Variants in COL23A1 observed in about 807,000 individuals in gnomAD.
COL23A1 encodes collagen alpha-1(XXIII) chain.
Under a neutral mutation model 99.3 loss-of-function variants are expected in COL23A1, and 97 were observed. The observed-to-expected ratio is 0.98, with a 90% CI of 0.83 to 1.16. The LOEUF (loss-of-function observed/expected upper bound fraction) is 1.16, where lower values mean the gene tolerates loss of function less well. COL23A1 is among the 50% of genes most tolerant of loss of function. COL23A1 has a pLI of 0.00. For missense variants in COL23A1, 762 were observed against 757.4 expected (o/e 1.01, Z -0.07); for synonymous variants, 320 against 308.2 (o/e 1.04, Z -0.40).
chr5:178,305,706 G>A (rs144283610), intron 3 of COL23A1, among the ~76,000 whole-genome samples: 29 of 152,274 alleles, frequency 1.9e-4, no homozygotes, highest in African/African-American at 3.9e-4. Flanking sequence ...GGCTCAGAAG[G>A]TGGAGAGCCC....
At chr5:178,480,219 T>C (rs1004277070) in intron 2 of COL23A1, among the ~76,000 whole-genome samples, 3 of 151,850 alleles carry the variant, frequency 2.0e-5, no homozygotes, top group East Asian at 1.9e-4. Context: ...TTGATGATAA[T>C]TGTTGAAGCT....
chr5:178,306,867 G>T lies in COL23A1; in HGVS notation c.406+8C>A. The T allele has an allele frequency of 2.0e-6, 3 of 1,518,692 alleles. 1 individual carries two copies. The South Asian group carries it at 3.8e-5, about 19-fold the overall frequency. 94.1% of individuals were successfully genotyped at this position (1,518,692 alleles called of 1,614,324 possible). On this transcript the variant is annotated splice_region_variant and intron_variant, in intron 3 of 28. Transcript: ENST00000390654. This position sits in a 1 kb window ranked among gnomAD's most constrained non-coding sequence, Gnocchi z 4.1. Reference sequence around the variant, plus strand: ...TTGGCTTAGGAGCTGAGAAAACCTGGGACTCACCAGGGTCGCCTCTTCTCC... The same window carrying T: ...TTGGCTTAGGAGCTGAGAAAACCTGTGACTCACCAGGGTCGCCTCTTCTCC...
chr5:178,440,407 C>T (rs17081256), intron 2 of COL23A1, among the ~76,000 whole-genome samples: 13,132 of 152,146 alleles, frequency 0.086, 1,287 homozygotes, highest in East Asian at 0.36. Context: ...GGGCAAATGC[C>T]GCTTCCTCTG....
At chr5:178,426,527 C>T (rs1765946990) in intron 2 of COL23A1, among the ~76,000 whole-genome samples, 1 of 152,206 alleles carries the variant, frequency 6.6e-6, no homozygotes, top group Non-Finnish European at 1.5e-5. Flanking sequence ...TGCTGCCATC[C>T]GGGCGCAGAT....
chr5:178,401,453 C>A (rs933717156), intron 2 of COL23A1, among the ~76,000 whole-genome samples: 2 of 152,170 alleles, frequency 1.3e-5, no homozygotes, highest in Non-Finnish European at 2.9e-5. Context: ...CTTGGCATAG[C>A]GCATTTGAGA....
chr5:178,583,327 G>A (rs1763755343), intron 1 of COL23A1, among the ~76,000 whole-genome samples: 1 of 152,204 alleles, frequency 6.6e-6, no homozygotes, highest in Non-Finnish European at 1.5e-5. Flanking sequence ...CCAGCTTAGA[G>A]CCCAAGCTTC....
chr5:178,258,262 T>TATATATATATATATATACACAC lies in COL23A1; in HGVS notation c.730-696_730-695insGTGTGTATATATATATATATAT. ...ATATATATATATATATATATATATA[T>TATATATATATATATATACACAC]ACACATGCAAATCAATTCTAGGCAC... On this transcript the variant is annotated intron_variant, in intron 12 of 28. Transcript: ENST00000390654. 5.2e-4 allele frequency among the ~76,000 whole-genome samples: 54 copies of TATATATATATATATATACACAC among 104,044 alleles called. 3 individuals carry two copies. The highest frequency in any genetic ancestry group is 1.1e-3 in the Non-Finnish European group (50 of 44,822). 68.3% of individuals were successfully genotyped at this position (104,044 alleles called of 152,430 possible).
chr5:178,430,813 C>T (rs958665434), intron 2 of COL23A1, among the ~76,000 whole-genome samples: 5 of 152,178 alleles, frequency 3.3e-5, no homozygotes, highest in Non-Finnish European at 7.3e-5. Flanking sequence ...TCTCTCCCAG[C>T]CATGCATAGG....
chr5:178,297,053 A>C (rs1283494701), intron 3 of COL23A1, among the ~76,000 whole-genome samples: 1 of 152,226 alleles, frequency 6.6e-6, no homozygotes, highest in Non-Finnish European at 1.5e-5. Context: ...AGTCCTTGCC[A>C]GTCTCCAATG....
intron 2 of COL23A1, among the ~76,000 whole-genome samples, chr5:178,320,005 C>T (rs2127624800): frequency 6.6e-6 from 1 of 152,368 alleles, no homozygotes; most frequent in Admixed American, 6.5e-5. Context: ...GTCCAGGGCT[C>T]TCCTCTGCCC....
At chr5:178,339,182 C>A (rs4976761) in intron 2 of COL23A1, among the ~76,000 whole-genome samples, 16,765 of 152,196 alleles carry the variant, frequency 0.11, 1,055 homozygotes, top group East Asian at 0.22. Flanking sequence ...TGCCTCAGGT[C>A]CACTCAGCAC....
chr5:178,258,262 T>TATATATACATACAC, intron 12 of COL23A1, among the ~76,000 whole-genome samples: 3 of 104,120 alleles, frequency 2.9e-5, no homozygotes, highest in Non-Finnish European at 6.7e-5. Context: ...TATATATATA[T>TATATATACATACAC]ACACATGCAA....
chr5:178,279,083 C>A (rs1486721078), intron 5 of COL23A1, among the ~76,000 whole-genome samples: 2 of 152,222 alleles, frequency 1.3e-5, no homozygotes, highest in African/African-American at 2.4e-5. Context: ...CAAAGCTTTG[C>A]TCGAGCCCTG....
chr5:178,503,497 A>C (rs1758690403), intron 2 of COL23A1, among the ~76,000 whole-genome samples: 1 of 152,222 alleles, frequency 6.6e-6, no homozygotes. Flanking sequence ...AATTCACTAA[A>C]GTTAGTGACC....
At chr5:178,303,478 T>C (rs1758180342) in intron 3 of COL23A1, among the ~76,000 whole-genome samples, 1 of 152,244 alleles carries the variant, frequency 6.6e-6, no homozygotes. Flanking sequence ...CCCTTGTTTT[T>C]GCTCCTTTAT....
chr5:178,448,176 C>T (rs1011657842), intron 2 of COL23A1, among the ~76,000 whole-genome samples: 18 of 136,046 alleles, frequency 1.3e-4, no homozygotes, highest in East Asian at 2.2e-4. Context: ...AGTCGCAGTC[C>T]GTTTTGTTCT....
intron 27 of COL23A1, among the ~76,000 whole-genome samples, 193 bp downstream of exon 27, chr5:178,241,849 G>C (rs917385236): frequency 3.9e-5 from 6 of 152,214 alleles, no homozygotes; most frequent in African/African-American, 1.2e-4. Context: ...GGTTGGGGGT[G>C]GTTAGGACCA....
At chr5:178,376,832 G>T (rs1763095257) in intron 2 of COL23A1, among the ~76,000 whole-genome samples, 1 of 152,236 alleles carries the variant, frequency 6.6e-6, no homozygotes, top group Admixed American at 6.5e-5. Flanking sequence ...AAAGTGCCAA[G>T]GAGGCTAAAT....
chr5:178,323,050 A>G (rs1009083232), intron 2 of COL23A1, among the ~76,000 whole-genome samples: 1 of 151,614 alleles, frequency 6.6e-6, no homozygotes, highest in South Asian at 2.1e-4. Flanking sequence ...GGGGTGGAGG[A>G]TGTGGGGTGG....
Sources: gnomAD v4.1 joint callset for allele counts (sites outside exome capture counted in the v4.1 genomes callset) on GRCh38, gnomAD v4.1.1 for gene constraint, Gnocchi (gnomAD v3.1) non-coding constraint, MANE v1.5 for transcripts, NCBI Gene and HGNC (gene_info 2026-07-23, HGNC 2026-07-21) for gene names.